Variants in SPOCK1 observed in about 807,000 individuals in gnomAD.
SPOCK1 encodes testican-1.
SPOCK1 carries 23 observed loss-of-function variants against 55.3 expected under a neutral mutation model. The observed-to-expected ratio is 0.42, with a 90% CI of 0.30 to 0.59. The LOEUF (loss-of-function observed/expected upper bound fraction) is 0.59. Among genes scored for constraint, SPOCK1 ranks in the 20% least tolerant of loss-of-function variants. SPOCK1 has a pLI of 0.22. For missense variants in SPOCK1, 499 were observed against 552.5 expected, an observed-to-expected ratio of 0.90 and a Z score of 0.97; for synonymous variants, 226 against 221.0, an observed-to-expected ratio of 1.02 and a Z score of -0.20.
intron 2 of SPOCK1, among the ~76,000 whole-genome samples, chr5:137,299,479 T>A (rs1262805631): frequency 6.6e-6 from 1 of 151,946 alleles, no homozygotes; most frequent in Non-Finnish European, 1.5e-5. Context: ...TATGTTTACA[T>A]ATAAAATACA....
At chr5:137,268,476 A>G (rs1187148650) in intron 2 of SPOCK1, among the ~76,000 whole-genome samples, 1 of 152,214 alleles carries the variant, frequency 6.6e-6, no homozygotes, top group African/African-American at 2.4e-5. Flanking sequence ...TCTCTCTGCA[A>G]TATCTTTCCC....
At chr5:136,998,642 A>G (rs1223469607) in intron 6 of SPOCK1, among the ~76,000 whole-genome samples, 1 of 152,240 alleles carries the variant, frequency 6.6e-6, no homozygotes, top group Non-Finnish European at 1.5e-5. Flanking sequence ...AACTCTGCCA[A>G]TGATGCAGGT....
intron 2 of SPOCK1, among the ~76,000 whole-genome samples, chr5:137,408,074 C>G (rs73298744): frequency 0.045 from 6,839 of 152,194 alleles, 523 homozygotes; most frequent in African/African-American, 0.15. Flanking sequence ...ATTTTTTTCA[C>G]TGCATCTTGA....
At chr5:137,215,524 C>T (rs1755700141) in intron 3 of SPOCK1, among the ~76,000 whole-genome samples, 1 of 152,162 alleles carries the variant, frequency 6.6e-6, no homozygotes, top group Non-Finnish European at 1.5e-5. Flanking sequence ...GTAAATTTTA[C>T]TGGATGATAA....
At chr5:137,308,545 C>T (rs1561500182) in intron 2 of SPOCK1, among the ~76,000 whole-genome samples, 1 of 152,214 alleles carries the variant, frequency 6.6e-6, no homozygotes, top group East Asian at 1.9e-4. Context: ...CAAAGGACAG[C>T]ATATCTGCGG....
intron 3 of SPOCK1, among the ~76,000 whole-genome samples, chr5:137,234,308 G>A (rs1424229845): frequency 6.6e-6 from 1 of 152,054 alleles, no homozygotes; most frequent in Non-Finnish European, 1.5e-5. Context: ...ACCCTGCTGG[G>A]GCTGCTTTCT....
chr5:137,227,028 A>G (rs1561477558), intron 3 of SPOCK1, among the ~76,000 whole-genome samples: 1 of 152,230 alleles, frequency 6.6e-6, no homozygotes, highest in East Asian at 1.9e-4. Context: ...CATCTGCAAA[A>G]TGAGGAATTT....
chr5:137,160,431 A>G (rs1425878174), intron 3 of SPOCK1, among the ~76,000 whole-genome samples: 1 of 126,248 alleles, frequency 7.9e-6, no homozygotes, highest in Non-Finnish European at 1.6e-5. Flanking sequence ...TATAATATAT[A>G]TATTATATGT....
intron 2 of SPOCK1, among the ~76,000 whole-genome samples, chr5:137,397,280 A>G (rs2127182207): frequency 6.6e-6 from 1 of 152,016 alleles, no homozygotes; most frequent in South Asian, 2.1e-4. Context: ...AGCCACGCAC[A>G]CTCCTCCTCG....
chr5:137,278,988 C>T (rs1273588966), intron 2 of SPOCK1, among the ~76,000 whole-genome samples: 2 of 152,024 alleles, frequency 1.3e-5, no homozygotes, highest in African/African-American at 4.8e-5. Flanking sequence ...TATCTGGTCC[C>T]GCTTATTTAG....
chr5:137,216,949 A>C (rs1160018672), intron 3 of SPOCK1, among the ~76,000 whole-genome samples: 1 of 152,178 alleles, frequency 6.6e-6, no homozygotes, highest in African/African-American at 2.4e-5. Flanking sequence ...TAAGGCAGGA[A>C]TTAGGAGGCT....
chr5:137,404,473 G>T (rs919662375), intron 2 of SPOCK1, among the ~76,000 whole-genome samples: 1 of 147,854 alleles, frequency 6.8e-6, no homozygotes, highest in Non-Finnish European at 1.5e-5. Flanking sequence ...GCAATGGCGC[G>T]ATCTTGGCTC....
At chr5:137,152,469 G>T (rs908021827) in intron 3 of SPOCK1, among the ~76,000 whole-genome samples, 6 of 152,122 alleles carry the variant, frequency 3.9e-5, no homozygotes, top group African/African-American at 1.2e-4. Context: ...AAGGACCTAT[G>T]GGGTTTCCTA....
In SPOCK1 at chr5:137,140,569, T is replaced by A. The variant is rs770617140; in HGVS notation, c.347+11A>T. ...CCTCCCAGCCCCCAGCCCCCGGCCT[T>A]CCTGCCTTACCTGGGGAGCAGGTGC... On this transcript the variant is annotated intron_variant, in intron 4 of 10. Transcript: ENST00000394945. 1.2e-6 allele frequency: 2 copies of A among 1,609,474 alleles called. No individual in the cohort carries two copies. Among genetic ancestry groups the A allele is most frequent in the South Asian group, 1.1e-5 (1 of 90,206 alleles).
At chr5:137,090,149 C>T (rs370152107) in intron 5 of SPOCK1, among the ~76,000 whole-genome samples, 2 of 152,216 alleles carry the variant, frequency 1.3e-5, no homozygotes, top group African/African-American at 4.8e-5. Context: ...GCAAATCCCA[C>T]GCAAGGCAAG....
chr5:137,334,514 G>A (rs1350225297), intron 2 of SPOCK1, among the ~76,000 whole-genome samples: 2 of 152,198 alleles, frequency 1.3e-5, no homozygotes, highest in African/African-American at 4.8e-5. Context: ...GTCGCAGAAC[G>A]CGTTCCCTGT....
At chr5:137,316,293 A>C (rs765905414) in intron 2 of SPOCK1, among the ~76,000 whole-genome samples, 2 of 152,244 alleles carry the variant, frequency 1.3e-5, no homozygotes, top group African/African-American at 2.4e-5. Context: ...GAATGCTATC[A>C]AATGAGCAAC....
intron 2 of SPOCK1, among the ~76,000 whole-genome samples, chr5:137,407,717 C>CAACA (rs1561527543): frequency 6.6e-6 from 1 of 152,162 alleles, no homozygotes; most frequent in African/African-American, 2.4e-5. Flanking sequence ...CATTCTCCCC[C>CAACA]CAACACAAAA....
intron 2 of SPOCK1, among the ~76,000 whole-genome samples, chr5:137,334,863 G>C (rs1750209335): frequency 8.0e-6 from 1 of 125,744 alleles, no homozygotes; most frequent in African/African-American, 4.2e-5. Context: ...AGGTGGTACT[G>C]ACCGATGGTA....
Sources: allele counts gnomAD v4.1 joint callset (sites outside exome capture counted in the v4.1 genomes callset), GRCh38; gene constraint gnomAD v4.1.1; transcripts MANE v1.5; gene names NCBI Gene and HGNC (gene_info 2026-07-23, HGNC 2026-07-21).